Variants in ADGB observed in about 807,000 individuals in gnomAD.
The protein encoded by ADGB is androglobin.
A neutral mutation model predicts 210.5 loss-of-function variants in ADGB; 172 were observed. That is an observed-to-expected ratio of 0.82 (90% confidence interval 0.72 to 0.93). The LOEUF (loss-of-function observed/expected upper bound fraction) is 0.93. Among genes scored for constraint, ADGB ranks in the 40% least tolerant of loss-of-function variants. The probability of loss-of-function intolerance (pLI) is 0.00; values close to 1 mark genes in which losing one functional copy is unlikely to be tolerated. For missense variants in ADGB, 2,025 were observed against 1,964.8 expected (o/e 1.03, Z -0.58); for synonymous variants, 658 against 662.7 (o/e 0.99, Z 0.11).
chr6:146,800,710 A>G (rs867928615), intron 33 of ADGB, among the ~76,000 whole-genome samples: 3 of 152,142 alleles, frequency 2.0e-5, no homozygotes, highest in South Asian at 4.1e-4. Context: ...CTACAAGTTT[A>G]TTGAAGGTAA....
At chr6:146,726,785 T>C (rs1776901542) in intron 19 of ADGB, among the ~76,000 whole-genome samples, 1 of 152,210 alleles carries the variant, frequency 6.6e-6, no homozygotes, top group Admixed American at 6.5e-5. Context: ...TTAGATCCCA[T>C]GGCATCATTG....
rs1292307623 is a variant in ADGB, at chr6:146,664,255, A to G, written c.667A>G (p.Asn223Asp). Reference sequence around the variant, plus strand: ...CTTTTTGCCTTTTGATGAAGATAACAATCTATTGCTTCCAGCTACAACTTA... The same window carrying G: ...CTTTTTGCCTTTTGATGAAGATAACGATCTATTGCTTCCAGCTACAACTTA... ...DDFLPFDEDN[N>D]LLLPATTYEF... The change falls in exon 6 of 36, where the codon AAT (asparagine) becomes GAT (aspartate). Residue 223 changes from asparagine (N) to aspartate (D), a missense_variant. Coordinates refer to ENST00000397944, the MANE Select transcript of ADGB (RefSeq NM_024694.4). 9 of 1,549,648 alleles carry G rather than the reference A, an allele frequency of 5.8e-6. No homozygotes were observed. Among genetic ancestry groups the G allele is most frequent in the Non-Finnish European group, 7.9e-6 (9 of 1,145,944 alleles).
At chr6:146,758,983 C>G (rs1320879211) in intron 27 of ADGB, among the ~76,000 whole-genome samples, 1 of 151,804 alleles carries the variant, frequency 6.6e-6, no homozygotes, top group Non-Finnish European at 1.5e-5. Context: ...TAATTTGTGT[C>G]TATGTGTGAT....
At position 146,717,606 on chromosome 6, in the gene ADGB, A is replaced by T; in HGVS notation, c.1992+7A>T. 2 of 1,387,630 alleles carry T rather than the reference A, an allele frequency of 1.4e-6. No homozygotes were observed. The highest frequency in any genetic ancestry group is 2.0e-6 in the Non-Finnish European group (2 of 1,019,358). 86.0% of individuals were successfully genotyped at this position (1,387,630 alleles called of 1,614,324 possible). On this transcript the variant is annotated splice_region_variant and intron_variant, in intron 16 of 35. Transcript: ENST00000397944. ...TCAAAAATCAGAATTTAAGGTAAGT[A>T]TGTTAGAATCTTTTCTATTCTCTTT...
intron 35 of ADGB, among the ~76,000 whole-genome samples, chr6:146,809,305 C>A (rs1447482051): frequency 6.6e-6 from 1 of 152,212 alleles, no homozygotes; most frequent in Non-Finnish European, 1.5e-5. Flanking sequence ...CTCCTGAGTT[C>A]AAGTGATTCT....
chr6:146,753,848 T>A (rs1049942904), intron 27 of ADGB, among the ~76,000 whole-genome samples: 1 of 150,398 alleles, frequency 6.6e-6, no homozygotes, highest in African/African-American at 2.5e-5. Context: ...TCTCTATGAG[T>A]TTTTTTCTCT....
intron 28 of ADGB, among the ~76,000 whole-genome samples, chr6:146,766,041 G>A (rs978280915): frequency 1.3e-5 from 2 of 152,062 alleles, no homozygotes; most frequent in African/African-American, 4.8e-5. Context: ...AAATTAGGGT[G>A]GAGGTGTAAC....
chr6:146,781,171 C>CAAAAAAAAAAAAAA (rs71031009), intron 29 of ADGB, among the ~76,000 whole-genome samples: 5 of 90,914 alleles, frequency 5.5e-5, no homozygotes, highest in Admixed American at 4.5e-4. Flanking sequence ...ACTAAAAATA[C>CAAAAAAAAAAAAAA]AAAAAAAAAA....
intron 6 of ADGB, among the ~76,000 whole-genome samples, chr6:146,665,353 T>C (rs1337856756): frequency 6.6e-6 from 1 of 152,086 alleles, no homozygotes; most frequent in African/African-American, 2.4e-5. Flanking sequence ...TTACCAGCCC[T>C]CAGTTTTCCT....
At chr6:146,784,373 G>A (rs1172639) in intron 30 of ADGB, among the ~76,000 whole-genome samples, 124,032 of 152,148 alleles carry the variant, frequency 0.82, 50,969 homozygotes, top group African/African-American at 0.91. Context: ...ATTAAGCAGA[G>A]CCCAATTATA....
intron 28 of ADGB, among the ~76,000 whole-genome samples, chr6:146,766,377 A>G (rs1186850570): frequency 6.6e-6 from 1 of 151,960 alleles, no homozygotes. Context: ...CAGCGAGCCG[A>G]GATTGTACCA....
intron 35 of ADGB, among the ~76,000 whole-genome samples, chr6:146,812,751 T>G (rs1026399185): frequency 1.3e-5 from 2 of 152,216 alleles, no homozygotes; most frequent in African/African-American, 2.4e-5. Flanking sequence ...ATCTAAAGTT[T>G]TCAATGACAT....
chr6:146,771,087 G>A (rs1351471265), intron 29 of ADGB, among the ~76,000 whole-genome samples: 1 of 152,018 alleles, frequency 6.6e-6, no homozygotes, highest in African/African-American at 2.4e-5. Flanking sequence ...TATGAAAGCC[G>A]CAAATACCTT....
intron 18 of ADGB, chr6:146,724,795 T>A (rs1776870910): frequency 6.6e-6 from 1 of 152,190 alleles, no homozygotes; most frequent in African/African-American, 2.4e-5. Context: ...GGCTTATTTT[T>A]GTTAGATATT....
In ADGB at chr6:146,815,108, A is replaced by C; in HGVS notation, c.4895A>C (p.His1632Pro). ...AGAAACAAATTGCTGGAAGCTGAGCACCTAAAGCTGGAAACTCTGGCTGCT... is the reference window on the plus strand; with the variant it reads ...AGAAACAAATTGCTGGAAGCTGAGCCCCTAAAGCTGGAAACTCTGGCTGCT... The part of the protein sequence containing the change: ...EYRNKLLEAE[H>P]LKLETLAAQE... Residue 1632 changes from histidine to proline, a missense_variant, in exon 36 of 36, where the codon CAC (histidine) becomes CCC (proline). His to Pro is a moderately conservative substitution (Grantham distance 77). Transcript: ENST00000397944. The C allele has an allele frequency of 1.3e-6, 2 of 1,548,094 alleles. No individual in the cohort carries two copies. Among genetic ancestry groups the C allele is most frequent in the Non-Finnish European group, 1.7e-6 (2 of 1,146,096 alleles).
chr6:146,720,672 T>C (rs1438891577), intron 16 of ADGB, among the ~76,000 whole-genome samples: 1 of 152,062 alleles, frequency 6.6e-6, no homozygotes, highest in African/African-American at 2.4e-5. Flanking sequence ...AAATTTACAG[T>C]CATGGTGGAA....
At chr6:146,600,634 G>A (rs995682161) in intron 1 of ADGB, among the ~76,000 whole-genome samples, 1 of 151,652 alleles carries the variant, frequency 6.6e-6, no homozygotes, top group Admixed American at 6.6e-5. Context: ...AAAGCTCCCT[G>A]TCTTCCTTCA....
chr6:146,741,087 C>A (rs766759450), intron 24 of ADGB, 31 bp from the exon 25 acceptor site: 166 of 1,450,318 alleles, frequency 1.1e-4, no homozygotes, highest in Non-Finnish European at 1.4e-4. Flanking sequence ...GAATTCACAT[C>A]AAGGGAAAGT....
chr6:146,788,728 C>G, intron 33 of ADGB, 118 bp downstream of exon 33: 1 of 936,174 alleles, frequency 1.1e-6, no homozygotes, highest in Non-Finnish European at 1.6e-6. Context: ...GATGTCTTTC[C>G]GATATATAGA....
Sources: allele counts gnomAD v4.1 joint callset (sites outside exome capture counted in the v4.1 genomes callset), GRCh38; gene constraint gnomAD v4.1.1; transcripts MANE v1.5; gene names NCBI Gene and HGNC (gene_info 2026-07-23, HGNC 2026-07-21).